BBS4: variants seen among roughly 807,000 people sequenced by gnomAD.
BBS4 encodes the protein BBSome complex member BBS4.
Under a neutral mutation model 71.4 loss-of-function variants are expected in BBS4, and 58 were observed. The ratio of observed to expected loss-of-function variants is 0.81; its 90% CI spans 0.66 to 1.01. The LOEUF is 1.01. BBS4 is among the 50% of genes least tolerant of loss of function. The probability of loss-of-function intolerance (pLI) is 0.00; values close to 1 mark genes in which losing one functional copy is unlikely to be tolerated. For missense variants in BBS4, 660 were observed against 607.9 expected (o/e 1.09, Z -0.90); for synonymous variants, 228 against 216.8 (o/e 1.05, Z -0.46).
chr15:72,703,292 G>C (rs2065209552), intron 2 of BBS4, among the ~76,000 whole-genome samples: 1 of 152,142 alleles, frequency 6.6e-6, no homozygotes, highest in African/African-American at 2.4e-5. Flanking sequence ...GCAGACTTCT[G>C]ATTTGTCTCA....
rs376424708 is a variant in BBS4, at chr15:72,701,418, C to T, written c.76+6190C>T. ...TTGTGATGTATTATGAATAATGCCA[C>T]CATGAAGAGTCTTGTACATGTTTTT... On this transcript the variant is annotated intron_variant, in intron 2 of 15. Transcript: ENST00000268057. Among the ~76,000 whole-genome samples, 7 of 152,204 alleles carry T rather than the reference C, an allele frequency of 4.6e-5. No homozygotes were observed. In the South Asian group the frequency reaches 1.4e-3, roughly 32 times the overall value.
intron 8 of BBS4, among the ~76,000 whole-genome samples, chr15:72,725,038 CTATATATA>C (rs67509027): frequency 4.4e-5 from 6 of 135,490 alleles, no homozygotes; most frequent in Non-Finnish European, 7.8e-5. Context: ...AAGCATCTGG[CTATATATA>C]TATATATATA....
chr15:72,712,471 G>A (rs755579726), intron 4 of BBS4, among the ~76,000 whole-genome samples, 164 bp downstream of exon 4: 59 of 152,182 alleles, frequency 3.9e-4, no homozygotes, highest in Non-Finnish European at 7.5e-4. Context: ...GTCATTGTGT[G>A]AACATTACAT....
At chr15:72,727,506 C>A (rs570806971) in intron 8 of BBS4, among the ~76,000 whole-genome samples, 2 of 152,058 alleles carry the variant, frequency 1.3e-5, no homozygotes, top group East Asian at 1.9e-4. Flanking sequence ...GCCTTGGGAT[C>A]CTAAATTACA....
In BBS4 at chr15:72,686,247, C is replaced by T. The variant is rs113994186; in HGVS notation, c.20C>T (p.Ala7Val). 6 of 1,564,956 alleles carry T rather than the reference C, an allele frequency of 3.8e-6. No homozygotes were observed. In the African/African-American group the frequency reaches 4.1e-5, roughly 11 times the overall value. The change falls in exon 1 of 16, where the codon GCG becomes GTG. Residue 7 changes from alanine to valine, a missense_variant. Physicochemically the swap from Ala to Val is moderately conservative, Grantham distance 64. Coordinates refer to ENST00000268057, the MANE Select transcript of BBS4 (RefSeq NM_033028.5). ...GCTAAAATGGCTGAGGAGAGAGTCGCGACGGTGAGCGCCGAGATTCTCTTT... is the reference window on the plus strand; with the variant it reads ...GCTAAAATGGCTGAGGAGAGAGTCGTGACGGTGAGCGCCGAGATTCTCTTT... MAEERV[A>V]TRTQFPVSTE...
rs368789560 is a variant in BBS4, at chr15:72,686,269, C to A, written c.24+18C>A. The stretch of plus-strand genomic sequence containing the variant: ...TCGCGACGGTGAGCGCCGAGATTCT[C>A]TTTAGTTGCCCGGCCGCAGGGCAAG... On this transcript the variant is annotated intron_variant, in intron 1 of 15. Transcript: ENST00000268057. 6.4e-7 allele frequency: 1 copy of A among 1,563,124 alleles called. No homozygotes were observed. The highest frequency in any genetic ancestry group is 2.4e-5 in the East Asian group (1 of 42,038).
At chr15:72,689,025 A>G (rs1452484431) in intron 1 of BBS4, among the ~76,000 whole-genome samples, 2 of 151,812 alleles carry the variant, frequency 1.3e-5, no homozygotes, top group Non-Finnish European at 2.9e-5. Context: ...CTAAACTCAG[A>G]AAGAAAAAAA....
At chr15:72,712,398 G>T in intron 4 of BBS4, 91 bp downstream of exon 4, 1 of 1,212,440 alleles carries the variant, frequency 8.2e-7, no homozygotes. Context: ...ACAAGTTCAA[G>T]TACAGTCATG....
At chr15:72,691,868 C>T (rs975234381) in intron 1 of BBS4, among the ~76,000 whole-genome samples, 3 of 148,600 alleles carry the variant, frequency 2.0e-5, no homozygotes, top group Admixed American at 6.8e-5. Context: ...GAGGCTGAGG[C>T]GGGAGAATCA....
intron 8 of BBS4, among the ~76,000 whole-genome samples, chr15:72,726,112 TTTCCTTCCTTTCA>T (rs372568968): frequency 0.013 from 1,668 of 125,692 alleles, 29 homozygotes; most frequent in African/African-American, 0.042. Context: ...CCTTCCTTTC[TTTCCTTCCTTTCA>T]TTTATTTCAA....
At chr15:72,686,703 A>G (rs1285498931) in intron 1 of BBS4, 2 of 651,426 alleles carry the variant, frequency 3.1e-6, no homozygotes. Flanking sequence ...AGTTTAGGAA[A>G]GTACGGTTTT....
chr15:72,694,714 GTT>G (rs568229627), intron 1 of BBS4, among the ~76,000 whole-genome samples: 21 of 152,150 alleles, frequency 1.4e-4, no homozygotes, highest in Non-Finnish European at 2.9e-4. Flanking sequence ...TCATTTGATG[GTT>G]TTCTATGAGG....
intron 12 of BBS4, among the ~76,000 whole-genome samples, chr15:72,734,192 G>C (rs975969696): frequency 6.6e-6 from 1 of 152,126 alleles, no homozygotes; most frequent in Admixed American, 6.6e-5. Context: ...CTCCCATTTT[G>C]TACATTGTCT....
At chr15:72,735,675 G>C in intron 13 of BBS4, 150 bp from the exon 14 acceptor site, 2 of 979,908 alleles carry the variant, frequency 2.0e-6, no homozygotes, top group Non-Finnish European at 3.2e-6. Context: ...CTTCTCCACA[G>C]GTCTGCTTAG....
At chr15:72,735,675 G>T in intron 13 of BBS4, 150 bp from the exon 14 acceptor site, 1 of 979,908 alleles carries the variant, frequency 1.0e-6, no homozygotes, top group Admixed American at 1.7e-5. Context: ...CTTCTCCACA[G>T]GTCTGCTTAG....
At position 72,710,409 on chromosome 15, in the gene BBS4, C is replaced by T. The variant is rs547431254; in HGVS notation, c.156+630C>T. The stretch of plus-strand genomic sequence containing the variant: ...TAGAGATGGGGTTTCACCATATTGG[C>T]CAGGCTGGTCTCGAACTCCTGACCT... On this transcript the variant is annotated intron_variant, in intron 3 of 15. Transcript: ENST00000268057. Among the ~76,000 whole-genome samples the T allele has an allele frequency of 1.4e-4, 22 of 152,006 alleles. No individual in the cohort carries two copies. In the East Asian group the frequency reaches 2.7e-3, roughly 19 times the overall value.
intron 2 of BBS4, chr15:72,698,120 C>T (rs2065109190): frequency 8.9e-6 from 4 of 447,148 alleles, no homozygotes; most frequent in South Asian, 6.3e-5. Context: ...TTGGGGTGGC[C>T]ATAGCTGAGG....
chr15:72,737,531 G>A lies in BBS4; in HGVS notation c.1504G>A (p.Glu502Lys). ...GCCCCCATCTCTTCCTCTGGAGCCA[G>A]AGCCTGCGGTGGAATCAAGTCCAAC... ...TKPPSLPLEP[E>K]PAVESSPTET... The change falls in exon 16 of 16, where the codon GAG becomes AAG. Residue 502 changes from glutamate to lysine, a missense_variant. By Grantham distance (56) the Glu-to-Lys change is moderately conservative. Coordinates refer to ENST00000268057, the MANE Select transcript of BBS4 (RefSeq NM_033028.5). 6.2e-7 allele frequency: 1 copy of A among 1,613,226 alleles called. No homozygotes were observed. Among genetic ancestry groups the A allele is most frequent in the Non-Finnish European group, 8.5e-7 (1 of 1,179,668 alleles).
intron 2 of BBS4, among the ~76,000 whole-genome samples, 192 bp from the exon 3 acceptor site, chr15:72,709,505 TGTA>T (rs1416102915): frequency 1.3e-5 from 2 of 152,218 alleles, no homozygotes. Context: ...GTATTCAACA[TGTA>T]GTAGTAGAAC....
Sources: allele counts gnomAD v4.1 joint callset (sites outside exome capture counted in the v4.1 genomes callset), GRCh38; gene constraint gnomAD v4.1.1; transcripts MANE v1.5; gene names NCBI Gene and HGNC (gene_info 2026-07-23, HGNC 2026-07-21).